The following ACER3 variants were observed in gnomAD, a reference collection of about 807,000 sequenced individuals.
The protein encoded by ACER3 is alkCDase 3.
ACER3 carries 16 observed loss-of-function variants against 48.9 expected under a neutral mutation model. The ratio of observed to expected loss-of-function variants is 0.33; its 90% CI spans 0.22 to 0.50. The LOEUF is 0.50. Among genes scored for constraint, ACER3 ranks in the 20% least tolerant of loss-of-function variants. ACER3 has a pLI of 0.98. For synonymous variants in ACER3, 109 were observed against 107.8 expected (o/e 1.01, Z -0.07); for missense variants, 227 against 326.0 (o/e 0.70, Z 2.34).
chr11:77,019,346 G>C (rs504598), intron 9 of ACER3, among the ~76,000 whole-genome samples: 152,206 of 152,212 alleles, frequency 1, 76,100 homozygotes, highest in Middle Eastern at 1. Context: ...GTAATCCCAG[G>C]TACTCAGGAG....
At chr11:76,899,806 T>C (rs1461696803) in intron 1 of ACER3, among the ~76,000 whole-genome samples, 1 of 152,186 alleles carries the variant, frequency 6.6e-6, no homozygotes, top group Admixed American at 6.5e-5. Flanking sequence ...TTTTTGCACA[T>C]ATACGGTTGA....
At chr11:76,864,054 A>T (rs999980744) in intron 1 of ACER3, among the ~76,000 whole-genome samples, 18 of 152,252 alleles carry the variant, frequency 1.2e-4, no homozygotes, top group African/African-American at 4.3e-4. Context: ...ATCTTTCAGC[A>T]TTAGAATATA....
intron 1 of ACER3, among the ~76,000 whole-genome samples, chr11:76,867,435 C>T (rs1190627299): frequency 7.6e-6 from 1 of 131,496 alleles, no homozygotes; most frequent in Non-Finnish European, 1.5e-5. Context: ...TGCCACTGCA[C>T]TCCAGCCTTG....
intron 3 of ACER3, among the ~76,000 whole-genome samples, chr11:76,965,284 A>G (rs1435807043): frequency 1.3e-5 from 2 of 151,342 alleles, no homozygotes; most frequent in Admixed American, 6.6e-5. Flanking sequence ...GAAACGAACA[A>G]AGCCTCCAAG....
intron 3 of ACER3, among the ~76,000 whole-genome samples, chr11:76,966,994 C>T (rs181663905): frequency 0.013 from 1,949 of 152,136 alleles, 49 homozygotes; most frequent in African/African-American, 0.045. Flanking sequence ...ACAAAAAACC[C>T]TTCAAAAAAT....
At chr11:77,014,456 A>T (rs1949327097) in intron 7 of ACER3, among the ~76,000 whole-genome samples, 1 of 152,248 alleles carries the variant, frequency 6.6e-6, no homozygotes, top group Non-Finnish European at 1.5e-5. Flanking sequence ...AATGCCTGGT[A>T]CACAGTAAGT....
intron 5 of ACER3, among the ~76,000 whole-genome samples, chr11:76,987,773 C>G (rs1056846967): frequency 2.6e-5 from 4 of 152,084 alleles, no homozygotes; most frequent in African/African-American, 9.7e-5. Context: ...CTCGTCTCTA[C>G]AAAACATTTT....
At chr11:76,876,012 C>CT (rs1332231433) in intron 1 of ACER3, among the ~76,000 whole-genome samples, 1 of 152,098 alleles carries the variant, frequency 6.6e-6, no homozygotes, top group African/African-American at 2.4e-5. Context: ...CCAGGATGGT[C>CT]TTGAACTCCT....
At chr11:76,896,407 T>G (rs1945930607) in intron 1 of ACER3, among the ~76,000 whole-genome samples, 1 of 147,408 alleles carries the variant, frequency 6.8e-6, no homozygotes, top group Admixed American at 6.6e-5. Flanking sequence ...GCCTGTAATC[T>G]CAGCACTTTG....
chr11:76,891,060 A>G (rs1163280958), intron 1 of ACER3, among the ~76,000 whole-genome samples: 1 of 151,998 alleles, frequency 6.6e-6, no homozygotes, highest in Non-Finnish European at 1.5e-5. Context: ...TGGAGGTTAC[A>G]GTGAGCTGAG....
intron 1 of ACER3, among the ~76,000 whole-genome samples, chr11:76,894,042 G>T (rs1945871717): frequency 1.3e-5 from 2 of 152,114 alleles, no homozygotes; most frequent in Non-Finnish European, 2.9e-5. Context: ...TATAATTCCA[G>T]CACTTTGGGA....
intron 3 of ACER3, among the ~76,000 whole-genome samples, chr11:76,975,475 ATACTT>A (rs1373768459): frequency 2.0e-5 from 3 of 152,306 alleles, no homozygotes; most frequent in Non-Finnish European, 2.9e-5. Context: ...TCTCAGAGGT[ATACTT>A]TACTTAGATT....
At chr11:76,869,922 C>T (rs115154957) in intron 1 of ACER3, among the ~76,000 whole-genome samples, 4,935 of 152,242 alleles carry the variant, frequency 0.032, 95 homozygotes, top group South Asian at 0.066. Context: ...AGTGCAGTGG[C>T]GTGATCGTGG....
intron 1 of ACER3, among the ~76,000 whole-genome samples, chr11:76,867,300 C>T (rs1482435072): frequency 6.6e-6 from 1 of 151,682 alleles, no homozygotes; most frequent in East Asian, 1.9e-4. Flanking sequence ...GAGACACCGT[C>T]TCTACTAAAA....
At chr11:76,998,445 T>TAAAGAGAAGAGAGGAGCG in intron 6 of ACER3, 1 of 292,632 alleles carries the variant, frequency 3.4e-6, no homozygotes, top group South Asian at 4.0e-5. Context: ...AGAGAGGAGC[T>TAAAGAGAAGAGAGGAGCG]AAAGATTATG....
chr11:76,972,480 T>G (rs1948330297), intron 3 of ACER3, among the ~76,000 whole-genome samples: 1 of 152,238 alleles, frequency 6.6e-6, no homozygotes, highest in Non-Finnish European at 1.5e-5. Context: ...CTTTCTATAT[T>G]CTAGATACTA....
At chr11:76,912,624 G>T (rs1263258823) in intron 1 of ACER3, among the ~76,000 whole-genome samples, 1 of 152,094 alleles carries the variant, frequency 6.6e-6, no homozygotes, top group Non-Finnish European at 1.5e-5. Flanking sequence ...ATAGAACCCA[G>T]ATCACTAATC....
intron 1 of ACER3, among the ~76,000 whole-genome samples, chr11:76,874,411 A>AC (rs1554990581): frequency 3.3e-5 from 5 of 151,794 alleles, no homozygotes; most frequent in African/African-American, 1.2e-4. Flanking sequence ...GTTAAAAAAA[A>AC]AAAACAAAAC....
At chr11:76,861,310 T>TG (rs1001936696) in intron 1 of ACER3, among the ~76,000 whole-genome samples, 4 of 51,844 alleles carry the variant, frequency 7.7e-5, no homozygotes, top group Non-Finnish European at 1.5e-4. Context: ...GCCTGAGGAT[T>TG]GGGGGGGCAG....
Sources: gnomAD v4.1 joint callset for allele counts (sites outside exome capture counted in the v4.1 genomes callset) on GRCh38, gnomAD v4.1.1 for gene constraint, MANE v1.5 for transcripts, NCBI Gene and HGNC (gene_info 2026-07-23, HGNC 2026-07-21) for gene names.